Variants in COG5 observed in about 807,000 individuals in gnomAD.
COG5 encodes the protein conserved oligomeric Golgi complex subunit 5.
In COG5, 86 loss-of-function variants were observed where a neutral mutation model predicts 110.4. That is an observed-to-expected ratio of 0.78 (90% confidence interval 0.65 to 0.93). The LOEUF is 0.93. Among genes scored for constraint, COG5 ranks in the 40% least tolerant of loss-of-function variants. The probability of loss-of-function intolerance (pLI) is 0.00; values close to 1 mark genes in which losing one functional copy is unlikely to be tolerated. For missense variants in COG5, 1,077 were observed against 987.0 expected (o/e 1.09, Z -1.22); for synonymous variants, 360 against 334.6 (o/e 1.08, Z -0.83).
At chr7:107,367,147 T>C (rs1375896261) in intron 8 of COG5, among the ~76,000 whole-genome samples, 2 of 152,022 alleles carry the variant, frequency 1.3e-5, no homozygotes, top group Non-Finnish European at 2.9e-5. Context: ...TTTGGACACA[T>C]ACAGCTACAA....
At chr7:107,448,992 C>T (rs1286459521) in intron 6 of COG5, among the ~76,000 whole-genome samples, 1 of 152,084 alleles carries the variant, frequency 6.6e-6, no homozygotes, top group African/African-American at 2.4e-5. Context: ...GCAGACCATA[C>T]ATGGCACCAT....
chr7:107,442,149 C>T (rs1379685231), intron 6 of COG5, among the ~76,000 whole-genome samples: 6 of 152,142 alleles, frequency 3.9e-5, no homozygotes, highest in Non-Finnish European at 7.3e-5. Context: ...ACATCCCCCC[C>T]TGTTCTTGTG....
intron 3 of COG5, among the ~76,000 whole-genome samples, chr7:107,549,558 ATTTTT>A (rs764100280): frequency 7.3e-6 from 1 of 137,722 alleles, no homozygotes; most frequent in Non-Finnish European, 1.6e-5. Context: ...CGCCCAGCTA[ATTTTT>A]TTTTTTTTTT....
At chr7:107,289,977 A>T (rs1390660944) in intron 12 of COG5, among the ~76,000 whole-genome samples, 1 of 152,218 alleles carries the variant, frequency 6.6e-6, no homozygotes, top group Non-Finnish European at 1.5e-5. Flanking sequence ...GGAAGGCCAC[A>T]TCTCTCTCCA....
At chr7:107,450,813 G>A (rs1356621760) in intron 6 of COG5, among the ~76,000 whole-genome samples, 5 of 152,140 alleles carry the variant, frequency 3.3e-5, no homozygotes, top group African/African-American at 7.2e-5. Flanking sequence ...TCTTAATTGC[G>A]TCCACTGTTG....
intron 7 of COG5, among the ~76,000 whole-genome samples, chr7:107,412,082 T>C (rs1185853456): frequency 8.5e-5 from 13 of 152,128 alleles, no homozygotes; most frequent in African/African-American, 3.1e-4. Context: ...CCAAACTAAA[T>C]AATTTACTAG....
intron 10 of COG5, among the ~76,000 whole-genome samples, chr7:107,347,717 AAAAC>A (rs1811749701): frequency 6.6e-6 from 1 of 152,244 alleles, no homozygotes; most frequent in Non-Finnish European, 1.5e-5. Flanking sequence ...GTGTTCATTA[AAAAC>A]ATTTTAAAAC....
rs373405562 is a variant in COG5 at position 107,274,310 on chromosome 7, T to A, written c.1575+6990A>T. Among the ~76,000 whole-genome samples the A allele has an allele frequency of 3.3e-5, 5 of 152,230 alleles. No individual in the cohort carries two copies. In the East Asian group the frequency reaches 9.7e-4, roughly 29 times the overall value. ...CATAGCGAAACCCTGTCTCTAAATATTAAAAATTAAAATTAAAAAAGTTCA... is the reference window on the plus strand; with the variant it reads ...CATAGCGAAACCCTGTCTCTAAATAATAAAAATTAAAATTAAAAAAGTTCA... On this transcript the variant is annotated intron_variant, in intron 14 of 21. Transcript: ENST00000297135.
chr7:107,528,620 G>C (rs1455824939), intron 5 of COG5, among the ~76,000 whole-genome samples: 8 of 152,130 alleles, frequency 5.3e-5, no homozygotes, highest in Non-Finnish European at 1.2e-4. Context: ...CCAACATGTA[G>C]TGATCTTCAG....
intron 12 of COG5, among the ~76,000 whole-genome samples, chr7:107,295,088 TA>T (rs1562955742): frequency 3.0e-4 from 22 of 72,162 alleles, no homozygotes; most frequent in African/African-American, 1.2e-3. Context: ...TATATATATA[TA>T]TATATATATA....
chr7:107,371,548 T>C (rs1043748397), intron 8 of COG5, among the ~76,000 whole-genome samples: 1 of 152,184 alleles, frequency 6.6e-6, no homozygotes, highest in Non-Finnish European at 1.5e-5. Flanking sequence ...CCATCAACCC[T>C]GTGATGGATC....
intron 11 of COG5, among the ~76,000 whole-genome samples, chr7:107,307,441 T>C (rs1584654420): frequency 6.6e-6 from 1 of 152,214 alleles, no homozygotes; most frequent in Non-Finnish European, 1.5e-5. Flanking sequence ...GTAGAGAGAA[T>C]AGTATAATGA....
At position 107,278,426 on chromosome 7, in the gene COG5, C is replaced by A. The variant is rs1018306586; in HGVS notation, c.1575+2874G>T. Among the ~76,000 whole-genome samples the A allele has an allele frequency of 3.9e-5, 6 of 152,130 alleles. No homozygotes were observed. In the East Asian group the frequency reaches 9.6e-4, roughly 24 times the overall value. On this transcript the variant is annotated intron_variant, in intron 14 of 21. Coordinates refer to ENST00000297135, the MANE Select transcript of COG5 (RefSeq NM_006348.5). ...CCTAATGCTGTCCCTCCCCTACCTC[C>A]CACCCGCCAACAGGCCCCGGTGTGT... is the stretch of plus-strand genomic sequence containing the variant.
At chr7:107,462,862 CA>C (rs1429878428) in intron 6 of COG5, among the ~76,000 whole-genome samples, 2 of 152,200 alleles carry the variant, frequency 1.3e-5, no homozygotes, top group Non-Finnish European at 2.9e-5. Context: ...TTTGTTTTCA[CA>C]ATTTGCAGTC....
At chr7:107,373,642 T>A (rs552527864) in intron 7 of COG5, among the ~76,000 whole-genome samples, 5 of 152,084 alleles carry the variant, frequency 3.3e-5, no homozygotes, top group South Asian at 2.1e-4. Context: ...GAGGGAGGTA[T>A]TGAAATATCA....
chr7:107,344,322 T>C (rs545393859), intron 10 of COG5, among the ~76,000 whole-genome samples: 4 of 152,320 alleles, frequency 2.6e-5, no homozygotes, highest in African/African-American at 7.2e-5. Context: ...GTAGCTTTTT[T>C]CCCTTAAACC....
At chr7:107,393,882 C>T (rs545373224) in intron 7 of COG5, among the ~76,000 whole-genome samples, 9 of 152,138 alleles carry the variant, frequency 5.9e-5, no homozygotes, top group Non-Finnish European at 1.3e-4. Flanking sequence ...ACAAATCAAT[C>T]TTCTATGAAA....
At chr7:107,415,958 G>GTATGTATATGTGTGTA (rs1792789147) in intron 6 of COG5, among the ~76,000 whole-genome samples, 1 of 74,228 alleles carries the variant, frequency 1.3e-5, no homozygotes, top group African/African-American at 5.2e-5. Flanking sequence ...GTATGTGTGT[G>GTATGTATATGTGTGTA]TATATACACA....
At chr7:107,470,635 T>C (rs1254099851) in intron 6 of COG5, among the ~76,000 whole-genome samples, 2 of 152,148 alleles carry the variant, frequency 1.3e-5, no homozygotes, top group Non-Finnish European at 2.9e-5. Flanking sequence ...GATGCATTGT[T>C]AAATACAAAT....
Sources: allele counts gnomAD v4.1 joint callset (sites outside exome capture counted in the v4.1 genomes callset), GRCh38; gene constraint gnomAD v4.1.1; transcripts MANE v1.5; gene names NCBI Gene and HGNC (gene_info 2026-07-23, HGNC 2026-07-21).